Variants in CSNK1A1 observed in about 807,000 individuals in gnomAD.
The protein encoded by CSNK1A1 is casein kinase I isoform alpha.
A neutral mutation model predicts 46.1 loss-of-function variants in CSNK1A1; 7 were observed. That is an observed-to-expected ratio of 0.15 (90% CI 0.09 to 0.29). CSNK1A1 has a LOEUF of 0.29. CSNK1A1 is among the 10% of genes least tolerant of loss of function. The pLI is 1.00. For missense variants in CSNK1A1, 96 were observed against 417.1 expected (o/e 0.23, Z 6.71); for synonymous variants, 137 against 141.5 (o/e 0.97, Z 0.23).
intron 2 of CSNK1A1, among the ~76,000 whole-genome samples, chr5:149,540,670 A>T (rs917307903): frequency 6.6e-6 from 1 of 152,132 alleles, no homozygotes; most frequent in African/African-American, 2.4e-5. Context: ...ATAAAATAAA[A>T]CTAACACTGT....
At chr5:149,533,241 GACAAA>G (rs1165456719) in intron 2 of CSNK1A1, among the ~76,000 whole-genome samples, 1 of 152,132 alleles carries the variant, frequency 6.6e-6, no homozygotes, top group Non-Finnish European at 1.5e-5. Context: ...TAGCTAACAA[GACAAA>G]ACAAAATAAT....
rs918429489 is a variant in CSNK1A1, at chr5:149,517,570, T to C, written c.456+2720A>G. Among the ~76,000 whole-genome samples the C allele has an allele frequency of 1.3e-5, 2 of 152,244 alleles. No individual in the cohort carries two copies. Among genetic ancestry groups the C allele is most frequent in the Admixed American group, 1.3e-4 (2 of 15,288 alleles). ...CTAAACATAATATCCTATTTTCATTTAGCTTTTTTCTAAACTTTATAAGTT... is the reference window on the plus strand; with the variant it reads ...CTAAACATAATATCCTATTTTCATTCAGCTTTTTTCTAAACTTTATAAGTT... On this transcript the variant is annotated intron_variant, in intron 4 of 9. Coordinates refer to ENST00000377843, the MANE Select transcript of CSNK1A1 (RefSeq NM_001892.6). This position sits in a 1 kb window ranked among gnomAD's most constrained non-coding sequence, Gnocchi z 4.4.
chr5:149,509,493 C>T (rs757738715), intron 7 of CSNK1A1, among the ~76,000 whole-genome samples: 5 of 152,172 alleles, frequency 3.3e-5, no homozygotes, highest in African/African-American at 9.7e-5. Flanking sequence ...TGGAGCCTCC[C>T]GGGCTCAAGT....
At chr5:149,547,882 G>GT (rs893201207) in intron 2 of CSNK1A1, among the ~76,000 whole-genome samples, 9 of 150,622 alleles carry the variant, frequency 6.0e-5, no homozygotes, top group East Asian at 3.9e-4. Context: ...GTTTTTTTGT[G>GT]TTTTTTTGAG....
At chr5:149,513,343 T>A (rs1189598375) in intron 4 of CSNK1A1, 134 bp from the exon 5 acceptor site, 6 of 835,740 alleles carry the variant, frequency 7.2e-6, no homozygotes, top group African/African-American at 6.9e-5. Context: ...ATAGAACAGA[T>A]AATGAACAGA....
At chr5:149,538,222 A>G (rs1012775620) in intron 2 of CSNK1A1, among the ~76,000 whole-genome samples, 1 of 151,684 alleles carries the variant, frequency 6.6e-6, no homozygotes, top group Non-Finnish European at 1.5e-5. Flanking sequence ...GGGTTTCTCC[A>G]TGTTGGTCAG....
chr5:149,510,941 C>G lies in CSNK1A1; in HGVS notation c.675+853G>C, dbSNP rs1761204156. Among the ~76,000 whole-genome samples, 3 of 152,274 alleles carry G rather than the reference C, an allele frequency of 2.0e-5. No homozygotes were observed. In the South Asian group the frequency reaches 6.2e-4, roughly 32 times the overall value. On this transcript the variant is annotated intron_variant, in intron 6 of 9. Coordinates refer to ENST00000377843, the MANE Select transcript of CSNK1A1 (RefSeq NM_001892.6). ...TACTCATATTAGATAAAGCTACCCA[C>G]CCAAGGACTGAGCACTACAACTAGC... is the stretch of plus-strand genomic sequence containing the variant.
chr5:149,532,492 A>T (rs1280227294), intron 2 of CSNK1A1, among the ~76,000 whole-genome samples: 1 of 152,062 alleles, frequency 6.6e-6, no homozygotes, highest in Middle Eastern at 3.2e-3. Context: ...CAGGAGTTTG[A>T]GACCACTCTG....
At chr5:149,531,307 G>A (rs1761888526) in intron 2 of CSNK1A1, among the ~76,000 whole-genome samples, 1 of 152,018 alleles carries the variant, frequency 6.6e-6, no homozygotes. Context: ...GGCCAAGGAG[G>A]GCGGATCACC....
In CSNK1A1 at chr5:149,511,722, C is replaced by G. The variant is rs1761229068; in HGVS notation, c.675+72G>C. 1.6e-5 allele frequency: 17 copies of G among 1,087,748 alleles called. No homozygotes were observed. In the South Asian group the frequency reaches 2.5e-4, roughly 16 times the overall value. 67.4% of individuals were successfully genotyped at this position (1,087,748 alleles called of 1,614,324 possible). On this transcript the variant is annotated intron_variant, in intron 6 of 9. Transcript: ENST00000377843. ...CTCAGACTTAGAAGGGACCTTAAAT[C>G]TTATCTTCTCCAATATATATTTTTA... is the stretch of plus-strand genomic sequence containing the variant.
intron 2 of CSNK1A1, among the ~76,000 whole-genome samples, chr5:149,547,545 T>C (rs1762520032): frequency 6.6e-6 from 1 of 152,214 alleles, no homozygotes; most frequent in South Asian, 2.1e-4. Flanking sequence ...AAAAACATTA[T>C]GTTAAGTGAA....
At chr5:149,504,355 A>T (rs1320761950) in intron 9 of CSNK1A1, 3 of 977,514 alleles carry the variant, frequency 3.1e-6, no homozygotes, top group Non-Finnish European at 3.6e-6. Flanking sequence ...TCTATTTTTA[A>T]ATTATAAAAT....
At chr5:149,497,970 A>T (rs775256748) in intron 9 of CSNK1A1, 1 of 609,216 alleles carries the variant, frequency 1.6e-6, no homozygotes, top group Non-Finnish European at 2.1e-6. Flanking sequence ...AGTAGCTGGG[A>T]CTATAGGTGC....
At chr5:149,516,701 T>C (rs1761415332) in intron 4 of CSNK1A1, among the ~76,000 whole-genome samples, 1 of 152,204 alleles carries the variant, frequency 6.6e-6, no homozygotes, top group Admixed American at 6.5e-5. Context: ...ATATGCCTAA[T>C]GATCCACCAT....
chr5:149,529,057 G>A (rs1384068047), intron 2 of CSNK1A1, among the ~76,000 whole-genome samples: 1 of 152,056 alleles, frequency 6.6e-6, no homozygotes, highest in African/African-American at 2.4e-5. Flanking sequence ...GTAATTATGA[G>A]ACTAAAAAAA....
chr5:149,503,126 C>T (rs1760924449), intron 9 of CSNK1A1: 1 of 985,206 alleles, frequency 1.0e-6, no homozygotes, highest in South Asian at 4.7e-5. Flanking sequence ...CTTTTAAATG[C>T]CCTTGTTACT....
At position 149,550,740 on chromosome 5, in the gene CSNK1A1, C is replaced by T. The variant is rs1762631897; in HGVS notation, c.123+102G>A. ...AGCTCCCTGGACTCCCTGGCGAGTG[C>T]GTGCGATGAGGAGAGGCCCGAGCAC... On this transcript the variant is annotated intron_variant, in intron 1 of 9. Coordinates refer to ENST00000377843, the MANE Select transcript of CSNK1A1 (RefSeq NM_001892.6). The surrounding 1 kb of genome is among the most constrained non-coding windows in gnomAD (Gnocchi z 4.3). 4 of 1,507,862 alleles carry T rather than the reference C, an allele frequency of 2.7e-6. No individual in the cohort carries two copies. Among genetic ancestry groups the T allele is most frequent in the Non-Finnish European group, 3.6e-6 (4 of 1,108,152 alleles). The allele number at this position is 1,507,862 out of a possible 1,614,324, so 93.4% of individuals were successfully genotyped here.
At position 149,505,565 on chromosome 5, in the gene CSNK1A1, A is replaced by G. The variant is rs1233371858; in HGVS notation, c.888T>C (p.Phe296=). 6.2e-7 allele frequency: 1 copy of G among 1,614,138 alleles called. No homozygotes were observed. Among genetic ancestry groups the G allele is most frequent in the East Asian group, 2.2e-5 (1 of 44,878 alleles). The part of the protein sequence containing the change: ...RTLNHQYDYT[F]DWTMLKQKAA... ...CTTTCTGCTTTAACATTGTCCAATC[A>G]AATGTGTAGTCATATTGATGGTTCA... The change falls in exon 9 of 10, where the codon TTT becomes TTC. Residue 296 remains phenylalanine, a synonymous_variant. Transcript: ENST00000377843.
At chr5:149,496,989 G>T in intron 9 of CSNK1A1, 129 bp from the exon 10 acceptor site, 1 of 1,456,302 alleles carries the variant, frequency 6.9e-7, no homozygotes, top group Non-Finnish European at 9.0e-7. Context: ...CGTCTCTTGT[G>T]AAAAGTATTA....
Sources: gnomAD v4.1 joint callset for allele counts (sites outside exome capture counted in the v4.1 genomes callset) on GRCh38, gnomAD v4.1.1 for gene constraint, Gnocchi (gnomAD v3.1) non-coding constraint, MANE v1.5 for transcripts, NCBI Gene and HGNC (gene_info 2026-07-23, HGNC 2026-07-21) for gene names.